The following CDH4 variants were observed in gnomAD, a reference collection of about 807,000 sequenced individuals.
CDH4 encodes cadherin 4.
A neutral mutation model predicts 86.0 loss-of-function variants in CDH4; 33 were observed. The observed-to-expected ratio is 0.38, with a 90% CI of 0.29 to 0.51. CDH4 has a LOEUF of 0.51. Ranked by LOEUF, CDH4 falls within the 20% of genes least tolerant of loss-of-function variation. CDH4 has a pLI of 0.86. For synonymous variants in CDH4, 555 were observed against 549.4 expected, an observed-to-expected ratio of 1.01 and a Z score of -0.14; for missense variants, 1,114 against 1,307.4, an observed-to-expected ratio of 0.85 and a Z score of 2.28.
chr20:61,407,309 G>A (rs578114529), intron 2 of CDH4, among the ~76,000 whole-genome samples: 13 of 152,276 alleles, frequency 8.5e-5, no homozygotes, highest in East Asian at 7.8e-4. Flanking sequence ...TAGAGAAGCC[G>A]TGCCTGCCAC....
intron 2 of CDH4, among the ~76,000 whole-genome samples, chr20:61,353,691 CCTCCCCTCCTCCTCCT>C (rs2084729305): frequency 1.9e-4 from 8 of 41,280 alleles, no homozygotes; most frequent in Admixed American, 3.0e-4. Flanking sequence ...TCCCCCTCCT[CCTCCCCTCCTCCTCCT>C]CCCCTGCTTC....
chr20:61,458,098 CATG>C (rs2085419383), intron 2 of CDH4, among the ~76,000 whole-genome samples: 2 of 144,536 alleles, frequency 1.4e-5, no homozygotes, highest in Admixed American at 1.4e-4. Flanking sequence ...TGGTGATGGT[CATG>C]ATGTTGATGA....
intron 2 of CDH4, among the ~76,000 whole-genome samples, chr20:61,260,100 C>T (rs1568771081): frequency 6.6e-6 from 1 of 152,194 alleles, no homozygotes; most frequent in Non-Finnish European, 1.5e-5. Flanking sequence ...CATGCAGCCT[C>T]GTGCATTCCC....
At chr20:61,609,190 T>C (rs1426938073) in intron 2 of CDH4, among the ~76,000 whole-genome samples, 3 of 152,220 alleles carry the variant, frequency 2.0e-5, no homozygotes, top group South Asian at 2.1e-4. Context: ...CTCTGAATCA[T>C]CGTTGTAAAA....
chr20:61,620,211 C>CGGATGGGTGGGTGGGGGG (rs2086762747), intron 2 of CDH4, among the ~76,000 whole-genome samples: 1 of 68,666 alleles, frequency 1.5e-5, no homozygotes, highest in Admixed American at 1.2e-4. Context: ...GATGGACAGA[C>CGGATGGGTGGGTGGGGGG]AGGCAGGCTG....
chr20:61,934,333 A>C (rs2055153269), intron 15 of CDH4, 113 bp downstream of exon 15: 9 of 1,158,320 alleles, frequency 7.8e-6, no homozygotes, highest in African/African-American at 1.6e-5. Context: ...CGTGGGTGGG[A>C]GGCAGCTCAG....
At chr20:61,610,106 G>T (rs547331798) in intron 2 of CDH4, among the ~76,000 whole-genome samples, 1 of 152,196 alleles carries the variant, frequency 6.6e-6, no homozygotes, top group South Asian at 2.1e-4. Context: ...CTCACTTGAT[G>T]TTTGTACCCA....
chr20:61,913,136 C>T (rs1171127769), intron 9 of CDH4, among the ~76,000 whole-genome samples: 4 of 152,130 alleles, frequency 2.6e-5, no homozygotes, highest in Admixed American at 6.5e-5. Flanking sequence ...GGGCAGCCCC[C>T]GGCCCCAGGA....
At chr20:61,716,224 C>T (rs1182951092) in intron 2 of CDH4, among the ~76,000 whole-genome samples, 13 of 151,960 alleles carry the variant, frequency 8.6e-5, no homozygotes, top group East Asian at 5.8e-4. Context: ...ACCTGTGAGC[C>T]GCCCCTTGGC....
intron 2 of CDH4, among the ~76,000 whole-genome samples, chr20:61,707,385 T>C (rs1226892189): frequency 6.6e-6 from 1 of 152,236 alleles, no homozygotes; most frequent in Non-Finnish European, 1.5e-5. Flanking sequence ...GGGCCTGTTA[T>C]ACAGGGAAAG....
At chr20:61,892,697 G>T (rs1376000210) in intron 7 of CDH4, among the ~76,000 whole-genome samples, 1 of 152,146 alleles carries the variant, frequency 6.6e-6, no homozygotes, top group Non-Finnish European at 1.5e-5. Flanking sequence ...CCAAAACTTA[G>T]CAGCCTAAAA....
At chr20:61,841,744 T>TGTGC (rs1343079414) in intron 4 of CDH4, among the ~76,000 whole-genome samples, 1 of 151,932 alleles carries the variant, frequency 6.6e-6, no homozygotes, top group African/African-American at 2.4e-5. Context: ...TGTGTGCACA[T>TGTGC]GTGCACAGGA....
At chr20:61,310,275 TACTC>T (rs2084438475) in intron 2 of CDH4, among the ~76,000 whole-genome samples, 1 of 152,148 alleles carries the variant, frequency 6.6e-6, no homozygotes, top group South Asian at 2.1e-4. Context: ...CTCCATGTCC[TACTC>T]AGCTCATGCT....
chr20:61,288,941 G>A (rs896885520), intron 2 of CDH4, among the ~76,000 whole-genome samples: 3 of 151,114 alleles, frequency 2.0e-5, no homozygotes, highest in Non-Finnish European at 2.9e-5. Context: ...GGCTTAAAAG[G>A]AAAGTGGCTT....
intron 2 of CDH4, among the ~76,000 whole-genome samples, chr20:61,463,437 CTT>C (rs936008228): frequency 6.6e-6 from 1 of 152,206 alleles, no homozygotes; most frequent in Non-Finnish European, 1.5e-5. Context: ...ACTGATGAGA[CTT>C]TTCACACAAA....
intron 4 of CDH4, among the ~76,000 whole-genome samples, chr20:61,822,239 TTGTG>T (rs1981082119): frequency 6.6e-6 from 1 of 152,234 alleles, no homozygotes; most frequent in Non-Finnish European, 1.5e-5. Flanking sequence ...GAAAAATTGC[TTGTG>T]TAATGGAAAC....
At chr20:61,861,522 G>T (rs1378066395) in intron 6 of CDH4, among the ~76,000 whole-genome samples, 1 of 152,064 alleles carries the variant, frequency 6.6e-6, no homozygotes, top group Non-Finnish European at 1.5e-5. Context: ...TCTGCAAACC[G>T]CCTCCCCTTC....
chr20:61,524,864 A>G lies in CDH4; in HGVS notation c.170-218699A>G, dbSNP rs187795403. Among the ~76,000 whole-genome samples the G allele has an allele frequency of 1.6e-4, 25 of 152,310 alleles. No individual in the cohort carries two copies. The East Asian group carries it at 4.2e-3, about 26-fold the overall frequency. ...AGATAATACCATTGTAGACAGATTT[A>G]TTGAACAAAGTTTCCATGCCCTTGA... On this transcript the variant is annotated intron_variant, in intron 2 of 15. Coordinates refer to ENST00000614565, the MANE Select transcript of CDH4 (RefSeq NM_001794.5).
chr20:61,615,629 C>T (rs1295514840), intron 2 of CDH4, among the ~76,000 whole-genome samples: 2 of 152,188 alleles, frequency 1.3e-5, no homozygotes, highest in African/African-American at 4.8e-5. Flanking sequence ...TTCCTTTAGT[C>T]TCTGCAGTGT....
Sources: allele counts gnomAD v4.1 joint callset (sites outside exome capture counted in the v4.1 genomes callset), GRCh38; gene constraint gnomAD v4.1.1; transcripts MANE v1.5; gene names NCBI Gene and HGNC (gene_info 2026-07-23, HGNC 2026-07-21).